WDR72: variants seen among roughly 807,000 people sequenced by gnomAD.
WDR72 encodes WD repeat domain 72, also known as WD repeat-containing protein 72.
WDR72 carries 120 observed loss-of-function variants against 124.2 expected under a neutral mutation model. The ratio of observed to expected loss-of-function variants is 0.97; its 90% CI spans 0.83 to 1.12. The LOEUF is 1.12. Among genes scored for constraint, WDR72 ranks in the 50% most tolerant of loss-of-function variants. The pLI is 0.00. For missense variants in WDR72, 1,387 were observed against 1,278.8 expected, an observed-to-expected ratio of 1.08 and a Z score of -1.29; for synonymous variants, 452 against 441.7, an observed-to-expected ratio of 1.02 and a Z score of -0.29.
At chr15:53,732,797 T>C (rs1434124337) in intron 2 of WDR72, among the ~76,000 whole-genome samples, 200 bp downstream of exon 2, 1 of 152,228 alleles carries the variant, frequency 6.6e-6, no homozygotes, top group African/African-American at 2.4e-5. Flanking sequence ...GCAATATTCA[T>C]AATATAATTT....
intron 2 of WDR72, among the ~76,000 whole-genome samples, chr15:53,727,719 A>G (rs2018082879): frequency 6.6e-6 from 1 of 152,216 alleles, no homozygotes; most frequent in Non-Finnish European, 1.5e-5. Flanking sequence ...GAGAAAATCT[A>G]CCATGGACAA....
At chr15:53,532,641 T>C (rs1213048310) in intron 18 of WDR72, among the ~76,000 whole-genome samples, 1 of 151,970 alleles carries the variant, frequency 6.6e-6, no homozygotes, top group Non-Finnish European at 1.5e-5. Flanking sequence ...AAAAGAAGGT[T>C]AGTGGGAAGC....
chr15:53,540,417 C>T (rs1016646122), intron 18 of WDR72, among the ~76,000 whole-genome samples: 9 of 152,008 alleles, frequency 5.9e-5, no homozygotes, highest in African/African-American at 1.9e-4. Flanking sequence ...CTGATCACAA[C>T]GCAATAAGGC....
chr15:53,567,861 T>A (rs927346629), intron 18 of WDR72, among the ~76,000 whole-genome samples: 1 of 151,636 alleles, frequency 6.6e-6, no homozygotes, highest in Non-Finnish European at 1.5e-5. Context: ...TTAAACCAAA[T>A]TTTTTATTTT....
rs188266195 is a variant in WDR72 at position 53,719,826 on chromosome 15, C to T, written c.260+2976G>A. On this transcript the variant is annotated intron_variant, in intron 3 of 19. Transcript: ENST00000360509. The stretch of plus-strand genomic sequence containing the variant: ...TCTGCAGGTGATTCTGGTGCACGCT[C>T]AGGATTGAGAAGCACTCACCTAGCG... Among the ~76,000 whole-genome samples, 19 of 152,292 alleles carry T rather than the reference C, an allele frequency of 1.2e-4. 1 individual carries two copies. Among genetic ancestry groups the T allele is most frequent in the African/African-American group, 4.6e-4 (19 of 41,576 alleles).
intron 6 of WDR72, among the ~76,000 whole-genome samples, chr15:53,714,151 A>AT (rs56901546): frequency 0.049 from 7,371 of 150,582 alleles, 629 homozygotes; most frequent in African/African-American, 0.17. Flanking sequence ...GAGATGTTCT[A>AT]TTTTTTAAAA....
At chr15:53,569,862 A>C (rs1415353723) in intron 18 of WDR72, among the ~76,000 whole-genome samples, 2 of 152,092 alleles carry the variant, frequency 1.3e-5, no homozygotes, top group Non-Finnish European at 2.9e-5. Flanking sequence ...ACAATGAATC[A>C]TAAAAACAAT....
In WDR72 at chr15:53,593,306, C is replaced by T. The variant is rs2012599877; in HGVS notation, c.3148+3773G>A. On this transcript the variant is annotated intron_variant, in intron 18 of 19. Coordinates refer to ENST00000360509, the MANE Select transcript of WDR72 (RefSeq NM_182758.4). Reference sequence around the variant, plus strand: ...AAACTGATTTAGGGCAAATTTCTTCCACGTTGCAAGTATGGAAAACGTAGC... The same window carrying T: ...AAACTGATTTAGGGCAAATTTCTTCTACGTTGCAAGTATGGAAAACGTAGC... Among the ~76,000 whole-genome samples, 5 of 151,906 alleles carry T rather than the reference C, an allele frequency of 3.3e-5. No individual in the cohort carries two copies. In the South Asian group the frequency reaches 1.0e-3, roughly 32 times the overall value.
intron 2 of WDR72, among the ~76,000 whole-genome samples, chr15:53,723,454 A>G (rs1248239631): frequency 6.6e-6 from 1 of 152,202 alleles, no homozygotes; most frequent in Non-Finnish European, 1.5e-5. Flanking sequence ...ATATACCCAA[A>G]GGGAATGAAA....
At position 53,517,327 on chromosome 15, in the gene WDR72, T is replaced by TAACA; in HGVS notation, c.*368_*371dup. The TAACA allele has an allele frequency of 7.5e-6, 2 of 265,956 alleles. No homozygotes were observed. Among genetic ancestry groups the TAACA allele is most frequent in the South Asian group, 9.0e-5 (2 of 22,186 alleles). The allele number at this position is 265,956 out of a possible 1,614,324, so 16.5% of individuals were successfully genotyped here. On this transcript the variant is annotated 3_prime_UTR_variant, in exon 20 of 20. Transcript: ENST00000360509. ...TAAGTATTGTGTACTACATTGGTTTTAACATTGTTTATTATATAATTCAGG... is the reference window on the plus strand; with the variant it reads ...TAAGTATTGTGTACTACATTGGTTTTAACAAACATTGTTTATTATATAATTCAGG...
intron 14 of WDR72, among the ~76,000 whole-genome samples, chr15:53,631,787 T>A (rs2014438981): frequency 6.6e-6 from 1 of 151,884 alleles, no homozygotes; most frequent in Non-Finnish European, 1.5e-5. Flanking sequence ...AACTTGAGAG[T>A]GATGATTTAC....
rs116934240 is a variant in WDR72, at chr15:53,533,342, T to C, written c.3149-10020A>G. Among the ~76,000 whole-genome samples, 35 of 150,720 alleles carry C rather than the reference T, an allele frequency of 2.3e-4. 1 individual carries two copies. The East Asian group carries it at 6.8e-3, about 29-fold the overall frequency. Reference sequence around the variant, plus strand: ...ATTGCTAAAAAGTTATATATACCTATGACTGTCATTTTCTCATTTCCCATT... The same window carrying C: ...ATTGCTAAAAAGTTATATATACCTACGACTGTCATTTTCTCATTTCCCATT... On this transcript the variant is annotated intron_variant, in intron 18 of 19. Transcript: ENST00000360509.
chr15:53,674,547 G>A (rs2016099463), intron 13 of WDR72, among the ~76,000 whole-genome samples: 2 of 152,014 alleles, frequency 1.3e-5, no homozygotes, highest in Admixed American at 1.3e-4. Flanking sequence ...TAGCTAACTA[G>A]AAAATAATGG....
chr15:53,590,853 T>C (rs893379733), intron 18 of WDR72, among the ~76,000 whole-genome samples: 1 of 152,080 alleles, frequency 6.6e-6, no homozygotes, highest in East Asian at 1.9e-4. Context: ...ATGTTAATCA[T>C]TACTGTTGTT....
rs757572244 is a variant in WDR72 at position 53,702,371 on chromosome 15, C to A, written c.1349-17G>T. ...GGGGAGAATCTGAAAAACAATGAAA[C>A]ACCAAATAATACAGATGTTATTTTT... On this transcript the variant is annotated splice_polypyrimidine_tract_variant and intron_variant, in intron 11 of 19. Coordinates refer to ENST00000360509, the MANE Select transcript of WDR72 (RefSeq NM_182758.4). 6.4e-7 allele frequency: 1 copy of A among 1,573,514 alleles called. No homozygotes were observed. The highest frequency in any genetic ancestry group is 1.1e-5 in the South Asian group (1 of 90,182).
intron 2 of WDR72, among the ~76,000 whole-genome samples, chr15:53,730,943 AT>A (rs2018183417): frequency 6.7e-6 from 1 of 149,554 alleles, no homozygotes; most frequent in Non-Finnish European, 1.5e-5. Flanking sequence ...ATTAGTTGCA[AT>A]GTGGGGGGGC....
At chr15:53,648,635 G>A (rs2015126712) in intron 14 of WDR72, among the ~76,000 whole-genome samples, 1 of 151,904 alleles carries the variant, frequency 6.6e-6, no homozygotes, top group African/African-American at 2.4e-5. Flanking sequence ...TTCACATAAC[G>A]AATAACCAAC....
At chr15:53,553,156 T>G (rs936642050) in intron 18 of WDR72, among the ~76,000 whole-genome samples, 23 of 152,216 alleles carry the variant, frequency 1.5e-4, no homozygotes, top group African/African-American at 5.3e-4. Flanking sequence ...AGAGGGGAGA[T>G]GTAATTTTAT....
intron 1 of WDR72, among the ~76,000 whole-genome samples, chr15:53,754,471 G>GA (rs1264636836): frequency 7.3e-5 from 11 of 151,146 alleles, no homozygotes; most frequent in East Asian, 5.9e-4. Context: ...CTTATTCTAA[G>GA]AAAAAAAAAT....
Sources: allele counts gnomAD v4.1 joint callset (sites outside exome capture counted in the v4.1 genomes callset), GRCh38; gene constraint gnomAD v4.1.1; transcripts MANE v1.5; gene names NCBI Gene and HGNC (gene_info 2026-07-23, HGNC 2026-07-21).